Variants in MAP4K4 observed in about 807,000 individuals in gnomAD.
MAP4K4 encodes the protein HPK/GCK-like kinase HGK.
Under a neutral mutation model 189.6 loss-of-function variants are expected in MAP4K4, and 38 were observed. The observed-to-expected ratio is 0.20, with a 90% CI of 0.15 to 0.26. The LOEUF (loss-of-function observed/expected upper bound fraction) is 0.26, where lower values mean the gene tolerates loss of function less well. Ranked by LOEUF, MAP4K4 falls within the 10% of genes least tolerant of loss-of-function variation. The pLI, the probability that MAP4K4 is intolerant of heterozygous loss-of-function variation, is 1.00. For synonymous variants in MAP4K4, 610 were observed against 624.3 expected (o/e 0.98, Z 0.34); for missense variants, 1,054 against 1,726.9 (o/e 0.61, Z 6.91).
chr2:101,787,294 C>A (rs2091629546), intron 2 of MAP4K4, among the ~76,000 whole-genome samples: 1 of 152,076 alleles, frequency 6.6e-6, no homozygotes, highest in South Asian at 2.1e-4. Context: ...ATTATAGAGG[C>A]CAAAATGGGA....
chr2:101,872,988 T>C (rs2098093463), intron 24 of MAP4K4, among the ~76,000 whole-genome samples: 1 of 152,234 alleles, frequency 6.6e-6, no homozygotes, highest in Non-Finnish European at 1.5e-5. Context: ...ACATTTCCAC[T>C]TAACAATTTG....
intron 2 of MAP4K4, among the ~76,000 whole-genome samples, chr2:101,770,862 C>T (rs1037474441): frequency 2.0e-5 from 3 of 152,218 alleles, no homozygotes; most frequent in Middle Eastern, 3.4e-3. Context: ...CACCAGATGG[C>T]GCTAAATTGT....
intron 17 of MAP4K4, among the ~76,000 whole-genome samples, 194 bp downstream of exon 17, chr2:101,864,245 T>C (rs1489634757): frequency 2.0e-5 from 3 of 152,186 alleles, no homozygotes; most frequent in Non-Finnish European, 4.4e-5. Flanking sequence ...CAGTTAGCGT[T>C]TTATTTTTGT....
chr2:101,831,711 C>T lies in MAP4K4; in HGVS notation c.509-10C>T, dbSNP rs1439179946. 6.3e-7 allele frequency: 1 copy of T among 1,587,798 alleles called. No individual in the cohort carries two copies. The highest frequency in any genetic ancestry group is 8.6e-7 in the Non-Finnish European group (1 of 1,165,610). On this transcript the variant is annotated splice_polypyrimidine_tract_variant and intron_variant, in intron 6 of 32. Coordinates refer to ENST00000324219, the Ensembl canonical transcript of MAP4K4. ...ATCTTTCTTTATCTGCCTTTTTCTT[C>T]CTCCCACAGTTGACTTTGGTGTGAG...
chr2:101,732,810 A>G (rs2059029599), intron 2 of MAP4K4, among the ~76,000 whole-genome samples: 1 of 152,102 alleles, frequency 6.6e-6, no homozygotes, highest in African/African-American at 2.4e-5. Context: ...GATGGTCTCG[A>G]TCTCTTGACC....
intron 3 of MAP4K4, among the ~76,000 whole-genome samples, chr2:101,799,005 T>G (rs1194008592): frequency 6.6e-6 from 1 of 152,188 alleles, no homozygotes; most frequent in Non-Finnish European, 1.5e-5. Context: ...CTGGGTTTCA[T>G]TTTTAGAATT....
chr2:101,723,059 A>T (rs1034456845), intron 2 of MAP4K4, among the ~76,000 whole-genome samples: 7 of 152,348 alleles, frequency 4.6e-5, no homozygotes, highest in Admixed American at 1.3e-4. Flanking sequence ...ACAAGGCGTC[A>T]GGAGGGAAAA....
chr2:101,888,666 T>A lies in MAP4K4; in HGVS notation c.3932-130T>A, dbSNP rs10194704. On this transcript the variant is annotated intron_variant, in intron 31 of 32. Coordinates refer to ENST00000324219, the Ensembl canonical transcript of MAP4K4. Reference sequence around the variant, plus strand: ...AGTTCCTTGAAAACAAATCCTTAAATGCTAGGCATTTAAATTTTAAATTTT... The same window carrying A: ...AGTTCCTTGAAAACAAATCCTTAAAAGCTAGGCATTTAAATTTTAAATTTT... 6.6e-3 allele frequency: 4,231 copies of A among 641,164 alleles called. 153 individuals carry two copies. The African/African-American group carries it at 0.069, about 10-fold the overall frequency. The allele number at this position is 641,164 out of a possible 1,614,324, so 39.7% of individuals were successfully genotyped here.
At chr2:101,725,826 A>G (rs2055001182) in intron 2 of MAP4K4, among the ~76,000 whole-genome samples, 1 of 152,218 alleles carries the variant, frequency 6.6e-6, no homozygotes, top group South Asian at 2.1e-4. Flanking sequence ...ATGGTCTCAC[A>G]TGGCATTCTG....
chr2:101,831,700 G>A, intron 6 of MAP4K4, 21 bp from the exon 7 acceptor site: 1 of 1,577,674 alleles, frequency 6.3e-7, no homozygotes, highest in Non-Finnish European at 8.6e-7. Context: ...TTCTTTATCT[G>A]CCTTTTTCTT....
At chr2:101,700,804 C>G (rs867169347) in intron 2 of MAP4K4, among the ~76,000 whole-genome samples, 5 of 144,216 alleles carry the variant, frequency 3.5e-5, no homozygotes, top group Non-Finnish European at 7.6e-5. Context: ...TTTACTATAA[C>G]AAGTTCTTTA....
intron 9 of MAP4K4, among the ~76,000 whole-genome samples, chr2:101,837,099 C>CT (rs76757886): frequency 0.12 from 15,916 of 133,164 alleles, 1,684 homozygotes; most frequent in African/African-American, 0.29. Context: ...TACTATATGG[C>CT]TTTTTTTTTT....
At chr2:101,774,512 G>T (rs748015151) in intron 2 of MAP4K4, among the ~76,000 whole-genome samples, 1 of 152,110 alleles carries the variant, frequency 6.6e-6, no homozygotes. Flanking sequence ...TCTGTGGGTT[G>T]TCTCTTCACT....
At chr2:101,890,688 C>T (rs754058816) in intron 32 of MAP4K4, among the ~76,000 whole-genome samples, 6 of 152,002 alleles carry the variant, frequency 3.9e-5, no homozygotes, top group Non-Finnish European at 5.9e-5. Flanking sequence ...AACTCCTGAC[C>T]TCATGGTCCG....
chr2:101,803,365 C>T (rs1220278855), intron 3 of MAP4K4, among the ~76,000 whole-genome samples: 5 of 151,954 alleles, frequency 3.3e-5, no homozygotes, highest in Admixed American at 1.3e-4. Context: ...TTTGGATTGT[C>T]TTTTAATTGT....
chr2:101,856,754 G>A (rs2097481839), intron 13 of MAP4K4, among the ~76,000 whole-genome samples: 1 of 152,054 alleles, frequency 6.6e-6, no homozygotes, highest in Non-Finnish European at 1.5e-5. Context: ...TTTGCCCTTA[G>A]CCCCTTTGCC....
intron 12 of MAP4K4, 89 bp from the exon 13 acceptor site, chr2:101,855,888 C>A: frequency 7.8e-7 from 1 of 1,288,560 alleles, no homozygotes; most frequent in Non-Finnish European, 1.1e-6. Flanking sequence ...TCATTAGTGT[C>A]CACCTGGCAC....
intron 9 of MAP4K4, 70 bp from the exon 10 acceptor site, chr2:101,839,749 G>C: frequency 3.4e-6 from 4 of 1,192,310 alleles, no homozygotes; most frequent in Non-Finnish European, 4.6e-6. Flanking sequence ...GTTGAGGCTT[G>C]TAAGTTACTG....
intron 29 of MAP4K4, among the ~76,000 whole-genome samples, chr2:101,886,384 C>T (rs1559342307): frequency 7.2e-5 from 11 of 152,090 alleles, no homozygotes; most frequent in Admixed American, 5.2e-4. Context: ...AATTAGAGAC[C>T]TTATGCTACT....
Sources: allele counts gnomAD v4.1 joint callset (sites outside exome capture counted in the v4.1 genomes callset), GRCh38; gene constraint gnomAD v4.1.1; transcripts MANE v1.5; gene names NCBI Gene and HGNC (gene_info 2026-07-23, HGNC 2026-07-21).